The following ZBTB46 variants were observed in gnomAD, a reference collection of about 807,000 sequenced individuals.
The protein encoded by ZBTB46 is zinc finger and BTB domain-containing protein 46.
ZBTB46 carries 8 observed loss-of-function variants against 44.1 expected under a neutral mutation model. The ratio of observed to expected loss-of-function variants is 0.18; its 90% CI spans 0.11 to 0.33. The LOEUF (loss-of-function observed/expected upper bound fraction) is 0.33, where lower values mean the gene tolerates loss of function less well. ZBTB46 is among the 10% of genes least tolerant of loss of function. The pLI is 1.00. For synonymous variants in ZBTB46, 409 were observed against 382.3 expected (o/e 1.07, Z -0.81); for missense variants, 651 against 847.7 (o/e 0.77, Z 2.88).
chr20:63,749,632 A>G (rs896027597), intron 4 of ZBTB46, among the ~76,000 whole-genome samples: 10 of 152,220 alleles, frequency 6.6e-5, no homozygotes, highest in South Asian at 2.1e-4. Flanking sequence ...CACCGCGCCC[A>G]GCCTGTTTTG....
At chr20:63,815,133 C>T (rs537531493) in intron 1 of ZBTB46, 12 of 216,430 alleles carry the variant, frequency 5.5e-5, no homozygotes, top group Non-Finnish European at 9.5e-5. Context: ...TGAGAAGACA[C>T]AAAAGGCCGA....
In ZBTB46 at chr20:63,790,324, T is replaced by C. The variant is rs771610421; in HGVS notation, c.434A>G (p.Glu145Gly). ...GCTGCTGCTGGACGAGGCGCCGATC[T>C]CGAACTCCGCAAGCTCATCTGAGGC... is the stretch of plus-strand genomic sequence containing the variant. ...SDASDELAEFEIGASSSSSTE... is the reference protein window; with the variant it reads ...SDASDELAEFGIGASSSSSTE... The change falls in exon 2 of 5, where the codon GAG becomes GGG. Residue 145 changes from glutamate to glycine, a missense_variant. Physicochemically the swap from Glu to Gly is moderately conservative, Grantham distance 98 (BLOSUM62 -2). Around this residue, in one of 5 missense-constraint regions of ZBTB46, gnomAD observed 385 missense variants for 423.3 expected, o/e 0.91. Coordinates refer to ENST00000245663, the MANE Select transcript of ZBTB46 (RefSeq NM_001369741.1). 3 of 1,613,112 alleles carry C rather than the reference T, an allele frequency of 1.9e-6. No individual in the cohort carries two copies. The highest frequency in any genetic ancestry group is 1.3e-5 in the African/African-American group (1 of 75,048).
At chr20:63,800,283 T>C (rs2092633597) in intron 1 of ZBTB46, among the ~76,000 whole-genome samples, 1 of 152,202 alleles carries the variant, frequency 6.6e-6, no homozygotes, top group Non-Finnish European at 1.5e-5. Context: ...TAGGAAACTC[T>C]AGACAACAGA....
chr20:63,803,826 G>GCCTCCTGAGCA lies in ZBTB46; in HGVS notation c.-33-13047_-33-13037dup, dbSNP rs1379998687. ...AGGCTCAAGGCATCCTCCCACATCA[G>GCCTCCTGAGCA]CCTCCTGAGCAGCTGGGACCACAGG... On this transcript the variant is annotated intron_variant, in intron 1 of 4. Transcript: ENST00000245663. This position sits in a 1 kb window ranked among gnomAD's most constrained non-coding sequence, Gnocchi z 4.0. 6.6e-6 allele frequency among the ~76,000 whole-genome samples: 1 copy of GCCTCCTGAGCA among 152,148 alleles called. No homozygotes were observed.
rs2092075235 is a variant in ZBTB46 at position 63,745,070 on chromosome 20, G to A, written c.*1860C>T. The A allele has an allele frequency of 6.6e-6, 1 of 152,386 alleles. No individual in the cohort carries two copies. Among genetic ancestry groups the A allele is most frequent in the South Asian group, 2.1e-4 (1 of 4,824 alleles). The allele number at this position is 152,386 out of a possible 1,614,324, so 9.4% of individuals were successfully genotyped here. On this transcript the variant is annotated 3_prime_UTR_variant, in exon 5 of 5. Transcript: ENST00000245663. ...CGGGGTGGGGCTGGCCTGGGGTGAG[G>A]GCTGGAGGGCTCCGCTGCAGCTCCC...
At chr20:63,753,179 C>T (rs1045001003) in intron 3 of ZBTB46, among the ~76,000 whole-genome samples, 4 of 152,196 alleles carry the variant, frequency 2.6e-5, no homozygotes, top group African/African-American at 9.7e-5. Context: ...AACACAGTGC[C>T]CGGTCCCTGC....
At chr20:63,751,800 C>A (rs2092168926) in intron 4 of ZBTB46, among the ~76,000 whole-genome samples, 1 of 144,684 alleles carries the variant, frequency 6.9e-6, no homozygotes, top group Admixed American at 6.7e-5. Flanking sequence ...GCCCCGCCCC[C>A]GGTGGGTCTC....
In ZBTB46 at chr20:63,752,620, G is replaced by A. The variant is rs1161109996; in HGVS notation, c.1398+66C>T. 3.0e-5 allele frequency: 44 copies of A among 1,445,276 alleles called. No homozygotes were observed. Among genetic ancestry groups the A allele is most frequent in the African/African-American group, 7.1e-5 (5 of 70,162 alleles). The allele number at this position is 1,445,276 out of a possible 1,614,324, so 89.5% of individuals were successfully genotyped here. On this transcript the variant is annotated intron_variant, in intron 4 of 4. Coordinates refer to ENST00000245663, the MANE Select transcript of ZBTB46 (RefSeq NM_001369741.1). This position sits in a 1 kb window ranked among gnomAD's most constrained non-coding sequence, Gnocchi z 5.6. ...TCCGGGGCGGTCTGCGCCCTCATCAGGACCCGCCTGCCCGGACATCGTGGC... is the reference window on the plus strand; with the variant it reads ...TCCGGGGCGGTCTGCGCCCTCATCAAGACCCGCCTGCCCGGACATCGTGGC...
At chr20:63,818,794 G>A (rs1248169842) in intron 1 of ZBTB46, among the ~76,000 whole-genome samples, 5 of 149,578 alleles carry the variant, frequency 3.3e-5, no homozygotes, top group Non-Finnish European at 3.0e-5. Context: ...GAAGGCAGAG[G>A]TTGCAAGGCA....
chr20:63,771,309 C>T (rs2092369529), intron 3 of ZBTB46, among the ~76,000 whole-genome samples: 1 of 152,086 alleles, frequency 6.6e-6, no homozygotes, highest in African/African-American at 2.4e-5. Context: ...ATGAGCTGCC[C>T]CCACTCTCCG....
At chr20:63,795,020 G>A (rs1163753410) in intron 1 of ZBTB46, among the ~76,000 whole-genome samples, 1 of 152,202 alleles carries the variant, frequency 6.6e-6, no homozygotes, top group Non-Finnish European at 1.5e-5. Context: ...CAAAGAGTGG[G>A]TGCTGCGGGC....
chr20:63,769,048 C>T (rs1601424545), intron 3 of ZBTB46, among the ~76,000 whole-genome samples: 1 of 152,212 alleles, frequency 6.6e-6, no homozygotes, highest in African/African-American at 2.4e-5. Flanking sequence ...ACTCGGCTGA[C>T]CTAAAATGGG....
At position 63,746,799 on chromosome 20, in the gene ZBTB46, T is replaced by G. The variant is rs1356231256; in HGVS notation, c.*131A>C. On this transcript the variant is annotated 3_prime_UTR_variant, in exon 5 of 5. Transcript: ENST00000245663. Reference sequence around the variant, plus strand: ...CCGCAGGGCTGGTTTCCGTGGGGGGTGGGTTCAGGGGGAAGCAGAGGAGGG... The same window carrying G: ...CCGCAGGGCTGGTTTCCGTGGGGGGGGGGTTCAGGGGGAAGCAGAGGAGGG... 5.7e-5 allele frequency: 74 copies of G among 1,300,596 alleles called. No homozygotes were observed. The highest frequency in any genetic ancestry group is 2.8e-4 in the Middle Eastern group (1 of 3,554). The allele number at this position is 1,300,596 out of a possible 1,614,324, so 80.6% of individuals were successfully genotyped here.
At chr20:63,808,976 CAAAAAAAAAAAAAA>C (rs1157399042) in intron 1 of ZBTB46, among the ~76,000 whole-genome samples, 3 of 75,232 alleles carry the variant, frequency 4.0e-5, no homozygotes, top group African/African-American at 4.5e-5. Flanking sequence ...GACTCCGCTT[CAAAAAAAAAAAAAA>C]AAAAAAAAAG....
chr20:63,801,569 A>C (rs2092645585), intron 1 of ZBTB46, among the ~76,000 whole-genome samples: 1 of 152,160 alleles, frequency 6.6e-6, no homozygotes, highest in African/African-American at 2.4e-5. Context: ...CTTTGCAATA[A>C]ATCTTGCTGC....
rs1283856275 is a variant in ZBTB46 at position 63,743,822 on chromosome 20, A to T, written c.*3108T>A. The T allele has an allele frequency of 1.3e-5, 2 of 152,486 alleles. No individual in the cohort carries two copies. Among genetic ancestry groups the T allele is most frequent in the East Asian group, 3.7e-4 (2 of 5,334 alleles). 9.4% of individuals were successfully genotyped at this position (152,486 alleles called of 1,614,324 possible). A position where few individuals can be genotyped will look rare whatever the true frequency, so the allele number is the denominator to read the frequency against. Reference sequence around the variant, plus strand: ...GAACCCACGGCCACAGAGAGGCAGGACGGCAGAGCCATGATTTCCCACCGA... The same window carrying T: ...GAACCCACGGCCACAGAGAGGCAGGTCGGCAGAGCCATGATTTCCCACCGA... On this transcript the variant is annotated 3_prime_UTR_variant, in exon 5 of 5. Transcript: ENST00000245663.
intron 1 of ZBTB46, among the ~76,000 whole-genome samples, chr20:63,821,700 G>A (rs776797782): frequency 6.6e-6 from 1 of 151,620 alleles, no homozygotes; most frequent in African/African-American, 2.4e-5. Context: ...TGCCCACCTC[G>A]GCCTCCCAAA....
chr20:63,801,976 T>A (rs75975156), intron 1 of ZBTB46, among the ~76,000 whole-genome samples: 2,572 of 152,294 alleles, frequency 0.017, 75 homozygotes, highest in African/African-American at 0.057. Flanking sequence ...TCCTCAGCTA[T>A]AATCCTGTGC....
chr20:63,799,774 G>T (rs986895607), intron 1 of ZBTB46, among the ~76,000 whole-genome samples: 5 of 152,184 alleles, frequency 3.3e-5, no homozygotes, highest in African/African-American at 1.2e-4. Context: ...ACCACAGCAA[G>T]CTCCCCCATG....
Sources: gnomAD v4.1 joint callset for allele counts (sites outside exome capture counted in the v4.1 genomes callset) on GRCh38, gnomAD v4.1.1 for gene constraint, gnomAD v4.1.1 regional missense constraint, Gnocchi (gnomAD v3.1) non-coding constraint, MANE v1.5 for transcripts, NCBI Gene and HGNC (gene_info 2026-07-23, HGNC 2026-07-21) for gene names.